The following AXDND1 variants were observed in gnomAD, a reference collection of about 807,000 sequenced individuals.
The protein encoded by AXDND1 is axonemal dynein light chain domain containing 1.
In AXDND1, 110 loss-of-function variants were observed where a neutral mutation model predicts 137.5. The ratio of observed to expected loss-of-function variants is 0.80; its 90% CI spans 0.69 to 0.94. The LOEUF (loss-of-function observed/expected upper bound fraction) is 0.94. AXDND1 is among the 40% of genes least tolerant of loss of function. AXDND1 has a pLI of 0.00. For synonymous variants in AXDND1, 414 were observed against 399.7 expected, an observed-to-expected ratio of 1.04 and a Z score of -0.43; for missense variants, 1,191 against 1,169.8, an observed-to-expected ratio of 1.02 and a Z score of -0.26.
intron 12 of AXDND1, among the ~76,000 whole-genome samples, chr1:179,412,251 T>C (rs949454192): frequency 6.6e-6 from 1 of 152,168 alleles, no homozygotes; most frequent in African/African-American, 2.4e-5. Context: ...AATAGCAAAG[T>C]CACACAATAT....
At chr1:179,423,187 T>C (rs925556094) in intron 12 of AXDND1, among the ~76,000 whole-genome samples, 6 of 127,406 alleles carry the variant, frequency 4.7e-5, no homozygotes, top group Non-Finnish European at 8.5e-5. Flanking sequence ...CCTTTATAAT[T>C]ATATAGTAAC....
At position 179,488,634 on chromosome 1, in the gene AXDND1, C is replaced by CTTTTCTTTCTTTCTTT. The variant is rs376189496; in HGVS notation, c.2092-2904_2092-2903insTTTTCTTTCTTTCTTT. 2.4e-4 allele frequency among the ~76,000 whole-genome samples: 25 copies of CTTTTCTTTCTTTCTTT among 105,254 alleles called. 3 individuals carry two copies. The highest frequency in any genetic ancestry group is 3.9e-4 in the Admixed American group (4 of 10,208). 69.1% of individuals were successfully genotyped at this position (105,254 alleles called of 152,430 possible). Reference sequence around the variant, plus strand: ...TTTCTTTCTTTCTCTCTCTCTCTCTCCTTTCTTTCTTTCTTTCTTTCTTTC... The same window carrying CTTTTCTTTCTTTCTTT: ...TTTCTTTCTTTCTCTCTCTCTCTCTCTTTTCTTTCTTTCTTTCTTTCTTTCTTTCTTTCTTTCTTTC... On this transcript the variant is annotated intron_variant, in intron 18 of 25. Coordinates refer to ENST00000367618, the MANE Select transcript of AXDND1 (RefSeq NM_144696.6).
intron 17 of AXDND1, among the ~76,000 whole-genome samples, chr1:179,482,555 T>TGAG (rs1665544300): frequency 6.6e-6 from 1 of 152,110 alleles, no homozygotes; most frequent in African/African-American, 2.4e-5. Flanking sequence ...AGTTGCTGCC[T>TGAG]CACTGAGCTA....
chr1:179,385,461 T>C (rs529247119), intron 9 of AXDND1, 102 bp downstream of exon 9: 1 of 1,338,662 alleles, frequency 7.5e-7, no homozygotes, highest in African/African-American at 1.5e-5. Context: ...ACTTCTCTAT[T>C]CTACTGATCG....
rs1285615050 is a variant in AXDND1 at position 179,517,500 on chromosome 1, C to T, written c.2497-7834C>T. Among the ~76,000 whole-genome samples, 5 of 152,256 alleles carry T rather than the reference C, an allele frequency of 3.3e-5. No homozygotes were observed. The East Asian group carries it at 5.8e-4, about 18-fold the overall frequency. On this transcript the variant is annotated intron_variant, in intron 21 of 25. Coordinates refer to ENST00000367618, the MANE Select transcript of AXDND1 (RefSeq NM_144696.6). Reference sequence around the variant, plus strand: ...GCCCGATTCAAATTGTTACAAAGTTCAGCTGGAGACTTCCTTCTCCTTGGG... The same window carrying T: ...GCCCGATTCAAATTGTTACAAAGTTTAGCTGGAGACTTCCTTCTCCTTGGG...
At chr1:179,546,907 C>CT (rs1672704527) in intron 25 of AXDND1, among the ~76,000 whole-genome samples, 2 of 152,346 alleles carry the variant, frequency 1.3e-5, no homozygotes, top group South Asian at 2.1e-4. Context: ...GTCTCACTGA[C>CT]TTGACTATGG....
At chr1:179,423,470 C>T (rs1381888641) in intron 12 of AXDND1, among the ~76,000 whole-genome samples, 1 of 152,084 alleles carries the variant, frequency 6.6e-6, no homozygotes, top group East Asian at 1.9e-4. Context: ...TTACTCCTTC[C>T]ATTTTGTTGC....
intron 4 of AXDND1, among the ~76,000 whole-genome samples, chr1:179,377,346 G>T (rs1327554195): frequency 1.3e-5 from 2 of 152,166 alleles, no homozygotes; most frequent in African/African-American, 4.8e-5. Flanking sequence ...GCAGTGCCAG[G>T]TATGCAGTAG....
chr1:179,385,723 TG>T (rs1177948784), intron 9 of AXDND1, among the ~76,000 whole-genome samples: 1 of 152,126 alleles, frequency 6.6e-6, no homozygotes, highest in East Asian at 1.9e-4. Context: ...AGGGAACCTG[TG>T]GGGAGGCACC....
intron 11 of AXDND1, among the ~76,000 whole-genome samples, chr1:179,396,655 CA>C (rs59455939): frequency 7.1e-4 from 97 of 137,014 alleles, no homozygotes; most frequent in Admixed American, 1.5e-3. Context: ...GACTCCATCT[CA>C]AAAAAAAAAA....
chr1:179,385,012 C>T (rs993914851), intron 8 of AXDND1, among the ~76,000 whole-genome samples: 1 of 152,196 alleles, frequency 6.6e-6, no homozygotes, highest in Non-Finnish European at 1.5e-5. Flanking sequence ...AATCTGCCCA[C>T]CTTGGCCTCC....
At chr1:179,420,885 T>C (rs1655577445) in intron 12 of AXDND1, among the ~76,000 whole-genome samples, 1 of 152,174 alleles carries the variant, frequency 6.6e-6, no homozygotes, top group Admixed American at 6.5e-5. Context: ...CCTCCCAAGG[T>C]ACTGGGATTA....
At chr1:179,373,941 C>T (rs1668308471) in intron 4 of AXDND1, among the ~76,000 whole-genome samples, 1 of 152,036 alleles carries the variant, frequency 6.6e-6, no homozygotes, top group Non-Finnish European at 1.5e-5. Context: ...TCTAAAACAC[C>T]AAAAGCAATG....
At chr1:179,524,205 C>A (rs1670330998) in intron 21 of AXDND1, among the ~76,000 whole-genome samples, 1 of 151,852 alleles carries the variant, frequency 6.6e-6, no homozygotes, top group Admixed American at 6.6e-5. Flanking sequence ...GGGTAGATAC[C>A]CAGGAGTGGG....
intron 25 of AXDND1, among the ~76,000 whole-genome samples, chr1:179,539,803 C>T (rs191292254): frequency 6.6e-6 from 1 of 152,172 alleles, no homozygotes; most frequent in Non-Finnish European, 1.5e-5. Flanking sequence ...TGATTCCATT[C>T]TCCCCGTCAC....
chr1:179,385,748 C>T (rs2125103936), intron 9 of AXDND1, among the ~76,000 whole-genome samples: 1 of 152,186 alleles, frequency 6.6e-6, no homozygotes, highest in East Asian at 1.9e-4. Flanking sequence ...ATTGTGGTTT[C>T]CTTGGGAAGG....
In AXDND1 at chr1:179,551,386, T is replaced by C. The variant is rs1673253386; in HGVS notation, c.3032-3126T>C. The C allele has an allele frequency of 6.2e-7, 1 of 1,613,970 alleles. No individual in the cohort carries two copies. Among genetic ancestry groups the C allele is most frequent in the Admixed American group, 1.7e-5 (1 of 59,990 alleles). Reference sequence around the variant, plus strand: ...GAAGCTGAACGGCAGCAGGGGTGCCTGACAGAATCTCAGCTGCCATCCTCA... The same window carrying C: ...GAAGCTGAACGGCAGCAGGGGTGCCCGACAGAATCTCAGCTGCCATCCTCA... On this transcript the variant is annotated intron_variant, in intron 25 of 25. Coordinates refer to ENST00000367618, the MANE Select transcript of AXDND1 (RefSeq NM_144696.6).
At chr1:179,508,116 A>G (rs1459492510) in intron 20 of AXDND1, among the ~76,000 whole-genome samples, 1 of 152,214 alleles carries the variant, frequency 6.6e-6, no homozygotes, top group African/African-American at 2.4e-5. Flanking sequence ...CTGTAATCCC[A>G]GCATTTTGGG....
At chr1:179,411,057 AT>A in intron 11 of AXDND1, 88 bp from the exon 12 acceptor site, 1 of 1,077,510 alleles carries the variant, frequency 9.3e-7, no homozygotes, top group South Asian at 1.9e-5. Flanking sequence ...CACATTACCT[AT>A]TTTAAAACAA....
Sources: allele counts gnomAD v4.1 joint callset (sites outside exome capture counted in the v4.1 genomes callset), GRCh38; gene constraint gnomAD v4.1.1; transcripts MANE v1.5; gene names NCBI Gene and HGNC (gene_info 2026-07-23, HGNC 2026-07-21).